Variants in S100A8 observed in about 807,000 individuals in gnomAD.
S100A8 encodes S100 calcium binding protein A8, also known as protein S100-A8.
A neutral mutation model predicts 4.2 loss-of-function variants in S100A8; 1 was observed. The observed-to-expected ratio is 0.24, with a 90% CI of 0.08 to 1.12. The LOEUF (loss-of-function observed/expected upper bound fraction) is 1.12. Among genes scored for constraint, S100A8 ranks in the 50% most tolerant of loss-of-function variants. The pLI, the probability that S100A8 is intolerant of heterozygous loss-of-function variation, is 0.53. For missense variants in S100A8, 96 were observed against 111.8 expected, an observed-to-expected ratio of 0.86 and a Z score of 0.64; for synonymous variants, 41 against 44.7, an observed-to-expected ratio of 0.92 and a Z score of 0.33.
the S100A8 span, among the ~76,000 whole-genome samples, chr1:153,407,371 T>C: frequency 6.6e-6 from 1 of 152,210 alleles, no homozygotes. Flanking sequence ...CGCTCACTGC[T>C]AGCACAGCAG....
chr1:153,393,081 TAGTAATTC>T (rs1487020428), upstream of S100A8, among the ~76,000 whole-genome samples: 1 of 152,164 alleles, frequency 6.6e-6, no homozygotes, highest in Non-Finnish European at 1.5e-5. Context: ...CAGAGAGACA[TAGTAATTC>T]AGCGTATCAA....
At chr1:153,390,957 C>T (rs1662080936) in intron 1 of S100A8, 84 bp downstream of exon 1, 1 of 940,428 alleles carries the variant, frequency 1.1e-6, no homozygotes, top group Non-Finnish European at 1.3e-6. Context: ...TTTCTCTCTC[C>T]TCTCTCAGGA....
chr1:153,400,121 C>T, the S100A8 span, among the ~76,000 whole-genome samples: 6 of 152,220 alleles, frequency 3.9e-5, no homozygotes, highest in Non-Finnish European at 8.8e-5. Flanking sequence ...TCTCCCACCT[C>T]ACAACCCCCA....
upstream of S100A8, among the ~76,000 whole-genome samples, chr1:153,396,019 A>C (rs1662205298): frequency 1.3e-5 from 2 of 152,234 alleles, no homozygotes; most frequent in South Asian, 4.1e-4. Context: ...TGGGTGAGTG[A>C]GTGACCACAA....
At chr1:153,397,883 C>T in the S100A8 span, among the ~76,000 whole-genome samples, 8 of 152,324 alleles carry the variant, frequency 5.3e-5, no homozygotes, top group Admixed American at 2.6e-4. Context: ...GTTCTATCCC[C>T]GCAAGGGCCC....
the S100A8 span, chr1:153,419,408 T>C: frequency 2.7e-5 from 36 of 1,313,516 alleles, no homozygotes; most frequent in Non-Finnish European, 3.8e-5. Flanking sequence ...GTGACCTACA[T>C]TGTCAAAACT....
At chr1:153,403,455 T>C in the S100A8 span, among the ~76,000 whole-genome samples, 937 of 152,302 alleles carry the variant, frequency 6.2e-3, 4 homozygotes, top group Non-Finnish European at 8.7e-3. Context: ...TAAAGATATC[T>C]TCTCTCTGCT....
the S100A8 span, among the ~76,000 whole-genome samples, chr1:153,404,235 G>C: frequency 6.7e-6 from 1 of 149,806 alleles, no homozygotes; most frequent in Non-Finnish European, 1.5e-5. Flanking sequence ...CCATCGTTTG[G>C]GGTTTCTATG....
chr1:153,390,486 T>G lies in S100A8; in HGVS notation c.50A>C (p.His17Pro), dbSNP rs1157014248. ...KALNSIIDVY[H>P]KYSLIKGNFH... ...ATTCCCCTTTATCAGGGAGTACTTG[T>G]GGTAGACGTCGATGATAGAGTTCAA... The change falls in exon 2 of 3, where the codon CAC becomes CCC. Residue 17 changes from histidine to proline, a missense_variant. Physicochemically the swap from His to Pro is moderately conservative, Grantham distance 77. Transcript: ENST00000368733. 1 of 1,614,082 alleles carries G rather than the reference T, an allele frequency of 6.2e-7. No individual in the cohort carries two copies. Among genetic ancestry groups the G allele is most frequent in the Non-Finnish European group, 8.5e-7 (1 of 1,180,048 alleles).
the S100A8 span, among the ~76,000 whole-genome samples, chr1:153,413,152 GTTAA>G: frequency 6.6e-6 from 1 of 152,012 alleles, no homozygotes; most frequent in Non-Finnish European, 1.5e-5. Context: ...TTGTAAAAAC[GTTAA>G]TTATCTAATA....
At chr1:153,409,016 CA>C in the S100A8 span, among the ~76,000 whole-genome samples, 2 of 152,170 alleles carry the variant, frequency 1.3e-5, no homozygotes, top group African/African-American at 4.8e-5. Context: ...CCAGCCACTA[CA>C]AAAACATGCC....
chr1:153,411,369 T>C, the S100A8 span, among the ~76,000 whole-genome samples: 2 of 152,226 alleles, frequency 1.3e-5, no homozygotes, highest in African/African-American at 2.4e-5. Flanking sequence ...ATGAGTGAAC[T>C]CCCATTCACA....
chr1:153,411,731 A>G, the S100A8 span, among the ~76,000 whole-genome samples: 2 of 152,256 alleles, frequency 1.3e-5, no homozygotes, highest in African/African-American at 4.8e-5. Flanking sequence ...ACTTCAAACT[A>G]TACTACAAGG....
At position 153,390,939 on chromosome 1, in the gene S100A8, C is replaced by T. The variant is rs367778422; in HGVS notation, c.-23+102G>A. On this transcript the variant is annotated intron_variant, in intron 1 of 2. Transcript: ENST00000368733. The stretch of plus-strand genomic sequence containing the variant: ...CCAGGAGTATCTTTGCTCCAGACCT[C>T]CCTGAGCTTTCTCTCTCCTCTCTCA... 63 of 867,264 alleles carry T rather than the reference C, an allele frequency of 7.3e-5. No homozygotes were observed. The East Asian group carries it at 2.9e-3, about 40-fold the overall frequency. 53.7% of individuals were successfully genotyped at this position (867,264 alleles called of 1,614,324 possible). A position where few individuals can be genotyped will look rare whatever the true frequency, so the allele number is the denominator to read the frequency against.
At chr1:153,397,327 C>T in the S100A8 span, among the ~76,000 whole-genome samples, 3 of 152,182 alleles carry the variant, frequency 2.0e-5, no homozygotes, top group African/African-American at 7.2e-5. Flanking sequence ...GAGCAATTCC[C>T]AGGCAGATGG....
the S100A8 span, among the ~76,000 whole-genome samples, chr1:153,416,890 A>G: frequency 2.0e-5 from 3 of 152,156 alleles, no homozygotes; most frequent in Non-Finnish European, 4.4e-5. Context: ...TTGGGATCCC[A>G]GTTGCTGAAT....
chr1:153,415,725 G>A, the S100A8 span, among the ~76,000 whole-genome samples: 1 of 139,938 alleles, frequency 7.1e-6, no homozygotes, highest in African/African-American at 2.6e-5. Flanking sequence ...GGGGGGGCGG[G>A]GGTCACTCCA....
upstream of S100A8, chr1:153,391,291 G>A: frequency 1.3e-6 from 1 of 741,006 alleles, no homozygotes; most frequent in Non-Finnish European, 1.6e-6. Flanking sequence ...GTGCCCAGAA[G>A]GAAAAAGCAG....
the S100A8 span, chr1:153,418,010 A>G: frequency 3.1e-6 from 5 of 1,597,428 alleles, no homozygotes; most frequent in East Asian, 8.9e-5. Context: ...TAACACCCCC[A>G]CATAGAGACC....
Sources: gnomAD v4.1 joint callset for allele counts (sites outside exome capture counted in the v4.1 genomes callset) on GRCh38, gnomAD v4.1.1 for gene constraint, MANE v1.5 for transcripts, NCBI Gene and HGNC (gene_info 2026-07-23, HGNC 2026-07-21) for gene names.